DCTN5: variants seen among roughly 807,000 people sequenced by gnomAD.
The protein encoded by DCTN5 is dynactin 4.
A neutral mutation model predicts 23.5 loss-of-function variants in DCTN5; 14 were observed. That is an observed-to-expected ratio of 0.60 (90% CI 0.39 to 0.93). DCTN5 has a LOEUF of 0.93. Among genes scored for constraint, DCTN5 ranks in the 40% least tolerant of loss-of-function variants. DCTN5 has a pLI of 0.00. For missense variants in DCTN5, 156 were observed against 225.9 expected (o/e 0.69, Z 1.98); for synonymous variants, 67 against 79.6 (o/e 0.84, Z 0.84).
In DCTN5 at chr16:23,641,505, C is replaced by CT; in HGVS notation, c.-37dup. ...TCTCTGAAAGACTGACCGACTGACT[C>CT]TGACAGGATCCGGGGCTGAGGGAAG... On this transcript the variant is annotated 5_prime_UTR_variant, in exon 1 of 6. Coordinates refer to ENST00000300087, the MANE Select transcript of DCTN5 (RefSeq NM_032486.4). 6.2e-7 allele frequency: 1 copy of CT among 1,613,608 alleles called. No individual in the cohort carries two copies. Among genetic ancestry groups the CT allele is most frequent in the Non-Finnish European group, 8.5e-7 (1 of 1,179,716 alleles).
intron 4 of DCTN5, among the ~76,000 whole-genome samples, chr16:23,662,197 G>A (rs949382765): frequency 6.6e-6 from 1 of 152,116 alleles, no homozygotes; most frequent in Non-Finnish European, 1.5e-5. Flanking sequence ...CAGTCTAATG[G>A]GAGTAAGGAA....
intron 3 of DCTN5, 72 bp downstream of exon 3, chr16:23,658,697 G>A (rs1967757147): frequency 1.7e-6 from 2 of 1,188,046 alleles, no homozygotes; most frequent in African/African-American, 3.0e-5. Context: ...CATGTGTTGA[G>A]TTGTGGTATA....
At chr16:23,642,794 C>A in intron 1 of DCTN5, 161 bp from the exon 2 acceptor site, 1 of 624,084 alleles carries the variant, frequency 1.6e-6, no homozygotes. Flanking sequence ...GCCATAGTTT[C>A]CTAATCCATC....
At chr16:23,648,749 A>G (rs573345722) in intron 2 of DCTN5, among the ~76,000 whole-genome samples, 18 of 151,884 alleles carry the variant, frequency 1.2e-4, no homozygotes, top group African/African-American at 4.3e-4. Context: ...TTTTCTCCAA[A>G]TCCTCACTAG....
intron 4 of DCTN5, among the ~76,000 whole-genome samples, chr16:23,663,247 C>T (rs1036283879): frequency 6.6e-6 from 1 of 152,178 alleles, no homozygotes; most frequent in East Asian, 1.9e-4. Flanking sequence ...TACATTTATT[C>T]TCTCTATTCT....
intron 2 of DCTN5, among the ~76,000 whole-genome samples, chr16:23,643,296 G>GTGA (rs1331076485): frequency 9.3e-5 from 14 of 151,124 alleles, no homozygotes; most frequent in East Asian, 6.1e-4. Flanking sequence ...GGTTCAACCA[G>GTGA]TTCTCCTGCC....
At chr16:23,658,321 C>G (rs1967748287) in intron 2 of DCTN5, among the ~76,000 whole-genome samples, 186 bp from the exon 3 acceptor site, 1 of 152,238 alleles carries the variant, frequency 6.6e-6, no homozygotes. Flanking sequence ...ACATCACTAA[C>G]TGCAGTCACT....
intron 4 of DCTN5, among the ~76,000 whole-genome samples, chr16:23,663,376 C>G (rs1202763218): frequency 2.0e-5 from 3 of 152,336 alleles, no homozygotes; most frequent in Admixed American, 2.0e-4. Context: ...AGCAGCACGG[C>G]TGCAGTTGTT....
intron 1 of DCTN5, among the ~76,000 whole-genome samples, chr16:23,642,362 TA>T (rs1241372289): frequency 6.6e-6 from 1 of 152,250 alleles, no homozygotes; most frequent in Non-Finnish European, 1.5e-5. Context: ...TCATAGTCAT[TA>T]TCCTCGTTTT....
At chr16:23,645,119 ATATATATATATATATATATTTTTTTT>A (rs1967417270) in intron 2 of DCTN5, among the ~76,000 whole-genome samples, 1 of 35,120 alleles carries the variant, frequency 2.8e-5, no homozygotes, top group African/African-American at 1.2e-4. Context: ...ATATATATAT[ATATATATATATATATATATTTTTTTT>A]TTTTTTAATA....
intron 1 of DCTN5, chr16:23,642,603 C>T (rs1452501289): frequency 1.6e-5 from 3 of 191,372 alleles, no homozygotes; most frequent in Non-Finnish European, 3.3e-5. Context: ...TAGCCTCAGC[C>T]TTCTGAGGAG....
chr16:23,652,363 TA>T (rs1967621412), intron 2 of DCTN5, among the ~76,000 whole-genome samples: 1 of 152,244 alleles, frequency 6.6e-6, no homozygotes, highest in Non-Finnish European at 1.5e-5. Flanking sequence ...ATTTAATTGG[TA>T]ATCCTCATAA....
chr16:23,654,547 A>G (rs1227541333), intron 2 of DCTN5, among the ~76,000 whole-genome samples: 1 of 152,190 alleles, frequency 6.6e-6, no homozygotes, highest in Admixed American at 6.5e-5. Flanking sequence ...TGTGTACAAC[A>G]AACCTCCATG....
intron 2 of DCTN5, chr16:23,650,989 AC>A: frequency 7.2e-7 from 1 of 1,395,430 alleles, no homozygotes; most frequent in Non-Finnish European, 9.4e-7. Context: ...TTCAAAAGCA[AC>A]TGGAAATCTC....
At position 23,658,591 on chromosome 16, in the gene DCTN5, G is replaced by A. The variant is rs1567232345; in HGVS notation, c.202G>A (p.Val68Ile). 1 of 1,614,080 alleles carries A rather than the reference G, an allele frequency of 6.2e-7. No individual in the cohort carries two copies. The highest frequency in any genetic ancestry group is 1.3e-5 in the African/African-American group (1 of 74,948). The change falls in exon 3 of 6, where the codon GTC (valine) becomes ATC (isoleucine). Residue 68 changes from valine to isoleucine, a missense_variant. Val to Ile is a conservative substitution (Grantham distance 29, BLOSUM62 3). Transcript: ENST00000300087. ...GRHCVVKSRS[V>I]IRPPFKKFSK... ...TCATTGTGTTGTGAAAAGTCGTAGT[G>A]TCATAAGGCCACCATTCAAGAAGTT...
At chr16:23,645,085 A>ATATC (rs1207082464) in intron 2 of DCTN5, among the ~76,000 whole-genome samples, 1 of 10,702 alleles carries the variant, frequency 9.3e-5, no homozygotes, top group South Asian at 3.4e-3. Context: ...CAGCCTAACT[A>ATATC]TATATATATA....
Position 23,667,049 on chromosome 16 carries a change from C to G in DCTN5, c.454C>G (p.Leu152Val). 3.7e-6 allele frequency: 6 copies of G among 1,613,830 alleles called. No homozygotes were observed. Among genetic ancestry groups the G allele is most frequent in the Non-Finnish European group, 5.1e-6 (6 of 1,179,984 alleles). The change falls in exon 6 of 6, where the codon CTC (leucine) becomes GTC (valine). Residue 152 changes from leucine (L) to valine (V), a missense_variant and splice_region_variant. Leu to Val is a conservative substitution (Grantham distance 32, BLOSUM62 1). Transcript: ENST00000300087. ...GAGCTGGGTCTTTCTTTCCCCAGGA[C>G]TCTTCTCAGGGGAGCTCCCGGAGTG... ...PFTVFSGCPG[L>V]FSGELPECTQ...
intron 2 of DCTN5, among the ~76,000 whole-genome samples, chr16:23,653,929 T>C (rs867008521): frequency 2.0e-5 from 3 of 152,226 alleles, no homozygotes; most frequent in South Asian, 4.1e-4. Flanking sequence ...ACAATAATCA[T>C]GACAAAAAGC....
At chr16:23,661,325 T>G in intron 4 of DCTN5, 44 bp downstream of exon 4, 1 of 1,390,122 alleles carries the variant, frequency 7.2e-7, no homozygotes, top group Non-Finnish European at 1.0e-6. Context: ...CACTTTCCCT[T>G]CAGCTCCCAT....
Sources: gnomAD v4.1 joint callset for allele counts (sites outside exome capture counted in the v4.1 genomes callset) on GRCh38, gnomAD v4.1.1 for gene constraint, MANE v1.5 for transcripts, NCBI Gene and HGNC (gene_info 2026-07-23, HGNC 2026-07-21) for gene names.